The following ADK variants were observed in gnomAD, a reference collection of about 807,000 sequenced individuals.
ADK encodes the protein N6,N6-dimethyladenosine kinase.
In ADK, 24 loss-of-function variants were observed where a neutral mutation model predicts 44.7. That is an observed-to-expected ratio of 0.54 (90% CI 0.39 to 0.76). ADK has a LOEUF of 0.76. Ranked by LOEUF, ADK falls within the 30% of genes least tolerant of loss-of-function variation. The pLI, the probability that ADK is intolerant of heterozygous loss-of-function variation, is 0.00. For missense variants in ADK, 321 were observed against 425.1 expected, an observed-to-expected ratio of 0.76 and a Z score of 2.15; for synonymous variants, 128 against 142.6, an observed-to-expected ratio of 0.90 and a Z score of 0.73.
intron 6 of ADK, among the ~76,000 whole-genome samples, chr10:74,513,292 CTGA>C (rs1377422002): frequency 3.9e-5 from 6 of 152,102 alleles, no homozygotes; most frequent in African/African-American, 1.4e-4. Context: ...CAGTTTAACT[CTGA>C]TGTTTCTTTG....
At chr10:74,190,650 A>G (rs1305350129) in intron 1 of ADK, among the ~76,000 whole-genome samples, 1 of 152,154 alleles carries the variant, frequency 6.6e-6, no homozygotes, top group Non-Finnish European at 1.5e-5. Context: ...ATCAGGTTAA[A>G]TATTAGGAAG....
At chr10:74,561,075 T>C (rs1208428035) in intron 7 of ADK, among the ~76,000 whole-genome samples, 1 of 152,224 alleles carries the variant, frequency 6.6e-6, no homozygotes, top group Non-Finnish European at 1.5e-5. Flanking sequence ...TATTATCTGC[T>C]GAGGACATGT....
chr10:74,673,982 T>G (rs1855289138), intron 10 of ADK, among the ~76,000 whole-genome samples: 1 of 152,138 alleles, frequency 6.6e-6, no homozygotes, highest in Admixed American at 6.5e-5. Context: ...CTGCTTCTCC[T>G]CTTCTTTCTC....
chr10:74,210,384 T>A (rs1591859431), intron 2 of ADK, among the ~76,000 whole-genome samples: 1 of 150,896 alleles, frequency 6.6e-6, no homozygotes, highest in Non-Finnish European at 1.5e-5. Context: ...CAGGAGTAGT[T>A]GAGGAGACGT....
chr10:74,408,081 A>G (rs928327063), intron 6 of ADK, among the ~76,000 whole-genome samples: 3 of 151,650 alleles, frequency 2.0e-5, no homozygotes, highest in Non-Finnish European at 4.4e-5. Context: ...CTGGGTTTGA[A>G]CGATTCTCCT....
intron 6 of ADK, among the ~76,000 whole-genome samples, chr10:74,406,210 A>T (rs1430991573): frequency 1.3e-5 from 2 of 152,082 alleles, no homozygotes; most frequent in Non-Finnish European, 2.9e-5. Flanking sequence ...TTGTTGTTTC[A>T]TGATAGGGAG....
intron 2 of ADK, among the ~76,000 whole-genome samples, chr10:74,211,506 T>C (rs933099415): frequency 6.6e-5 from 10 of 152,214 alleles, no homozygotes; most frequent in African/African-American, 2.4e-4. Flanking sequence ...TTGCTAAATC[T>C]GTTAGATTCA....
chr10:74,228,520 A>T (rs1409355277), intron 3 of ADK, among the ~76,000 whole-genome samples: 1 of 152,144 alleles, frequency 6.6e-6, no homozygotes, highest in Non-Finnish European at 1.5e-5. Flanking sequence ...CCTACTTTCC[A>T]TTGTGCTAGG....
chr10:74,468,294 A>G (rs1268402330), intron 6 of ADK, among the ~76,000 whole-genome samples: 1 of 152,184 alleles, frequency 6.6e-6, no homozygotes, highest in Non-Finnish European at 1.5e-5. Flanking sequence ...GATGTTGTTG[A>G]GATGAAGTAT....
intron 4 of ADK, among the ~76,000 whole-genome samples, chr10:74,329,940 T>A (rs1399920815): frequency 6.6e-6 from 1 of 151,876 alleles, no homozygotes; most frequent in African/African-American, 2.4e-5. Context: ...GGCCAGAGGA[T>A]CAGTTGAGCT....
At chr10:74,566,490 C>T (rs1040112704) in intron 7 of ADK, among the ~76,000 whole-genome samples, 4 of 152,220 alleles carry the variant, frequency 2.6e-5, no homozygotes, top group Admixed American at 6.5e-5. Flanking sequence ...GCGTGAGCCA[C>T]CATACCTGGG....
At chr10:74,332,039 G>A (rs1204041550) in intron 4 of ADK, among the ~76,000 whole-genome samples, 3 of 151,414 alleles carry the variant, frequency 2.0e-5, no homozygotes, top group Admixed American at 1.3e-4. Flanking sequence ...TGTATTTTTT[G>A]TAGAGACAGA....
chr10:74,201,915 A>T (rs985545974), intron 2 of ADK, among the ~76,000 whole-genome samples: 3 of 152,118 alleles, frequency 2.0e-5, no homozygotes, highest in Admixed American at 1.3e-4. Context: ...ATTACTTTTT[A>T]AAAAATTGAG....
rs540490147 is a variant in ADK, at chr10:74,487,742, G to A, written c.556-37514G>A. Among the ~76,000 whole-genome samples, 198 of 152,064 alleles carry A rather than the reference G, an allele frequency of 1.3e-3. 1 individual carries two copies. Among genetic ancestry groups the A allele is most frequent in the African/African-American group, 4.6e-3 (193 of 41,520 alleles). The stretch of plus-strand genomic sequence containing the variant: ...CGGAGCTTTTGGGGAAGACATCACA[G>A]TATTGTACTGTCTCCCAAGATGCAA... On this transcript the variant is annotated intron_variant, in intron 6 of 10. Coordinates refer to ENST00000539909, the MANE Select transcript of ADK (RefSeq NM_006721.4).
At chr10:74,442,639 C>T (rs1329851697) in intron 6 of ADK, among the ~76,000 whole-genome samples, 7 of 152,074 alleles carry the variant, frequency 4.6e-5, no homozygotes, top group East Asian at 1.9e-4. Flanking sequence ...GAGTGAGACT[C>T]TATCTCTAAA....
intron 2 of ADK, among the ~76,000 whole-genome samples, chr10:74,218,760 G>A (rs1277557993): frequency 2.0e-5 from 3 of 152,280 alleles, no homozygotes; most frequent in African/African-American, 2.4e-5. Flanking sequence ...TTCATATCCA[G>A]CCGAACTAAG....
intron 3 of ADK, among the ~76,000 whole-genome samples, chr10:74,292,556 C>T (rs1204094746): frequency 1.3e-5 from 2 of 152,162 alleles, no homozygotes; most frequent in African/African-American, 4.8e-5. Flanking sequence ...TGTCCCAACA[C>T]TGAACTCCTA....
In ADK at chr10:74,221,696, G is replaced by A. The variant is rs556487183; in HGVS notation, c.141-2842G>A. ...AGATATAGATCAATGGAACAGAACA[G>A]AGCCCTCAGAAATAACGCCGCATAT... On this transcript the variant is annotated intron_variant, in intron 2 of 10. Coordinates refer to ENST00000539909, the MANE Select transcript of ADK (RefSeq NM_006721.4). Among the ~76,000 whole-genome samples the A allele has an allele frequency of 1.8e-4, 26 of 144,076 alleles. No homozygotes were observed. The East Asian group carries it at 5.0e-3, about 28-fold the overall frequency. The allele number at this position is 144,076 out of a possible 152,430, so 94.5% of individuals were successfully genotyped here. A position where few individuals can be genotyped will look rare whatever the true frequency, so the allele number is the denominator to read the frequency against.
chr10:74,537,726 TAC>T (rs1008771482), intron 7 of ADK, among the ~76,000 whole-genome samples: 5 of 152,164 alleles, frequency 3.3e-5, no homozygotes, highest in African/African-American at 1.2e-4. Context: ...AACTCTCAAA[TAC>T]AGTCAATTAT....
Sources: allele counts gnomAD v4.1 joint callset (sites outside exome capture counted in the v4.1 genomes callset), GRCh38; gene constraint gnomAD v4.1.1; transcripts MANE v1.5; gene names NCBI Gene and HGNC (gene_info 2026-07-23, HGNC 2026-07-21).